PACRG: variants seen among roughly 807,000 people sequenced by gnomAD.
PACRG encodes the protein parkin coregulated, also known as parkin coregulated gene protein.
A neutral mutation model predicts 29.7 loss-of-function variants in PACRG; 29 were observed. That is an observed-to-expected ratio of 0.98 (90% CI 0.73 to 1.33). The LOEUF (loss-of-function observed/expected upper bound fraction) is 1.33, where lower values mean the gene tolerates loss of function less well. Among genes scored for constraint, PACRG ranks in the 40% most tolerant of loss-of-function variants. The probability of loss-of-function intolerance (pLI) is 0.00; values close to 1 mark genes in which losing one functional copy is unlikely to be tolerated. For synonymous variants in PACRG, 116 were observed against 118.7 expected, an observed-to-expected ratio of 0.98 and a Z score of 0.15; for missense variants, 279 against 316.2, an observed-to-expected ratio of 0.88 and a Z score of 0.89.
At chr6:162,772,232 G>A (rs995508321) in intron 1 of PACRG, among the ~76,000 whole-genome samples, 1 of 152,024 alleles carries the variant, frequency 6.6e-6, no homozygotes, top group South Asian at 2.1e-4. Flanking sequence ...TAAAATAATA[G>A]AAATTATTTT....
At chr6:163,291,188 A>G (rs1367281238) in intron 4 of PACRG, among the ~76,000 whole-genome samples, 1 of 141,656 alleles carries the variant, frequency 7.1e-6, no homozygotes, top group Non-Finnish European at 1.6e-5. Flanking sequence ...TGCCTGCCCG[A>G]GCTGGCCTGC....
chr6:163,040,259 C>A (rs1303996154), intron 2 of PACRG, among the ~76,000 whole-genome samples: 1 of 152,208 alleles, frequency 6.6e-6, no homozygotes, highest in Non-Finnish European at 1.5e-5. Context: ...GCACAGAAGA[C>A]AAGAGTTGAG....
At chr6:162,902,849 A>G (rs1795653330) in intron 2 of PACRG, among the ~76,000 whole-genome samples, 1 of 152,196 alleles carries the variant, frequency 6.6e-6, no homozygotes, top group African/African-American at 2.4e-5. Flanking sequence ...ACCCCATAAC[A>G]AATGCTGCCC....
intron 4 of PACRG, among the ~76,000 whole-genome samples, chr6:163,255,473 G>A (rs1225086719): frequency 1.3e-5 from 2 of 152,168 alleles, no homozygotes; most frequent in Non-Finnish European, 2.9e-5. Flanking sequence ...TGTGCATGGG[G>A]CAAGAATACA....
chr6:163,311,703 C>T (rs1468213678), intron 4 of PACRG, among the ~76,000 whole-genome samples: 1 of 152,182 alleles, frequency 6.6e-6, no homozygotes, highest in East Asian at 1.9e-4. Context: ...CCAACTCCAA[C>T]TCACTTTTTG....
chr6:162,978,861 T>C (rs1035357712), intron 2 of PACRG, among the ~76,000 whole-genome samples: 4 of 152,240 alleles, frequency 2.6e-5, no homozygotes, highest in African/African-American at 9.6e-5. Flanking sequence ...CTCTAGAACA[T>C]TGATTTTTAA....
intron 4 of PACRG, among the ~76,000 whole-genome samples, chr6:163,263,561 C>T (rs1410988123): frequency 6.6e-6 from 1 of 152,178 alleles, no homozygotes; most frequent in Non-Finnish European, 1.5e-5. Flanking sequence ...TCCTCCTCTG[C>T]AGGCAAAAAC....
At chr6:162,882,092 G>A (rs1038125945) in intron 2 of PACRG, among the ~76,000 whole-genome samples, 1 of 131,504 alleles carries the variant, frequency 7.6e-6, no homozygotes, top group African/African-American at 3.0e-5. Context: ...GACTCGGGGT[G>A]GGGGGGCGCA....
chr6:162,956,089 A>G (rs143115075), intron 2 of PACRG, among the ~76,000 whole-genome samples: 333 of 152,142 alleles, frequency 2.2e-3, no homozygotes, highest in Middle Eastern at 3.4e-3. Flanking sequence ...CACTGAGTCT[A>G]CTCTCCAAAG....
At chr6:163,030,795 C>T (rs1231626321) in intron 2 of PACRG, among the ~76,000 whole-genome samples, 6 of 152,122 alleles carry the variant, frequency 3.9e-5, no homozygotes, top group Non-Finnish European at 8.8e-5. Flanking sequence ...TGTAAACTGT[C>T]GTGGCACTGG....
At chr6:162,987,893 A>G (rs1803043879) in intron 2 of PACRG, among the ~76,000 whole-genome samples, 2 of 152,184 alleles carry the variant, frequency 1.3e-5, no homozygotes, top group African/African-American at 4.8e-5. Flanking sequence ...CTGGTTATCC[A>G]GGATGCTGCA....
intron 2 of PACRG, among the ~76,000 whole-genome samples, chr6:162,960,966 G>A (rs11967132): frequency 0.16 from 23,712 of 152,186 alleles, 3,247 homozygotes; most frequent in African/African-American, 0.36. Flanking sequence ...CGTTAACCTG[G>A]TTTAGGTCAT....
chr6:163,088,855 G>C (rs1813835156), intron 3 of PACRG, among the ~76,000 whole-genome samples: 1 of 152,098 alleles, frequency 6.6e-6, no homozygotes, highest in African/African-American at 2.4e-5. Flanking sequence ...ATGGTTTTAA[G>C]AATTGTATGG....
At chr6:163,178,342 G>A (rs190894277) in intron 4 of PACRG, among the ~76,000 whole-genome samples, 100 of 152,292 alleles carry the variant, frequency 6.6e-4, no homozygotes, top group African/African-American at 2.3e-3. Context: ...ATGGTCAGAG[G>A]GACAAGGGGA....
chr6:163,136,749 T>C (rs1816951686), intron 4 of PACRG, among the ~76,000 whole-genome samples: 1 of 152,222 alleles, frequency 6.6e-6, no homozygotes, highest in African/African-American at 2.4e-5. Flanking sequence ...AATGAACTAA[T>C]GCAAAATCCA....
intron 1 of PACRG, among the ~76,000 whole-genome samples, chr6:162,797,627 T>C (rs1785494302): frequency 6.6e-6 from 1 of 152,216 alleles, no homozygotes; most frequent in South Asian, 2.1e-4. Context: ...AAAACATTTT[T>C]ATAACCACAT....
intron 2 of PACRG, among the ~76,000 whole-genome samples, chr6:162,963,462 G>A (rs188495417): frequency 2.6e-4 from 40 of 151,798 alleles, no homozygotes; most frequent in African/African-American, 9.4e-4. Flanking sequence ...GAATAAAACA[G>A]AAGTACCCAG....
intron 3 of PACRG, among the ~76,000 whole-genome samples, chr6:163,079,741 G>C (rs567031390): frequency 6.6e-6 from 1 of 152,082 alleles, no homozygotes; most frequent in South Asian, 2.1e-4. Context: ...CTCTTTACCC[G>C]TCTTCTATTT....
At chr6:163,094,419 A>T in intron 4 of PACRG, among the ~76,000 whole-genome samples, 1 of 152,204 alleles carries the variant, frequency 6.6e-6, no homozygotes. Context: ...TCTGAAAGTT[A>T]GATTTGGAAT....
Sources: allele counts gnomAD v4.1 joint callset (sites outside exome capture counted in the v4.1 genomes callset), GRCh38; gene constraint gnomAD v4.1.1; transcripts MANE v1.5; gene names NCBI Gene and HGNC (gene_info 2026-07-23, HGNC 2026-07-21).